DLGAP2: variants seen among roughly 807,000 people sequenced by gnomAD.
DLGAP2 encodes the protein disks large-associated protein 2.
In DLGAP2, 26 loss-of-function variants were observed where a neutral mutation model predicts 100.3. That is an observed-to-expected ratio of 0.26 (90% CI 0.19 to 0.36). The LOEUF is 0.36. Among genes scored for constraint, DLGAP2 ranks in the 10% least tolerant of loss-of-function variants. The pLI, the probability that DLGAP2 is intolerant of heterozygous loss-of-function variation, is 1.00. For missense variants in DLGAP2, 1,858 were observed against 1,453.2 expected, an observed-to-expected ratio of 1.28 and a Z score of -4.53; for synonymous variants, 886 against 630.1, an observed-to-expected ratio of 1.41 and a Z score of -6.08.
intron 5 of DLGAP2, 48 bp from the exon 6 acceptor site, chr8:1,565,635 G>T: frequency 6.6e-7 from 1 of 1,504,536 alleles, no homozygotes; most frequent in Non-Finnish European, 9.1e-7. Context: ...TGATGCTGCC[G>T]TTCTCAGTGA....
At chr8:1,662,681 C>A (rs1189361779) in intron 8 of DLGAP2, among the ~76,000 whole-genome samples, 4 of 152,370 alleles carry the variant, frequency 2.6e-5, no homozygotes, top group African/African-American at 9.6e-5. Flanking sequence ...TATGCAAATG[C>A]CAAGACCGCC....
At chr8:1,641,456 A>T (rs746143493) in intron 8 of DLGAP2, among the ~76,000 whole-genome samples, 1 of 152,182 alleles carries the variant, frequency 6.6e-6, no homozygotes, top group Non-Finnish European at 1.5e-5. Flanking sequence ...AGGTAATGAG[A>T]TTTCAAGATG....
At chr8:1,026,811 A>G (rs1801813467) in intron 2 of DLGAP2, among the ~76,000 whole-genome samples, 1 of 152,228 alleles carries the variant, frequency 6.6e-6, no homozygotes, top group Non-Finnish European at 1.5e-5. Context: ...ATTTATGAAA[A>G]TACCCATGAG....
chr8:1,390,776 G>A (rs947942828), intron 3 of DLGAP2, among the ~76,000 whole-genome samples: 2 of 152,134 alleles, frequency 1.3e-5, no homozygotes, highest in Admixed American at 1.3e-4. Context: ...TCAACCCTCT[G>A]TTACAAAACC....
chr8:1,122,022 C>A (rs1399278081), intron 2 of DLGAP2, among the ~76,000 whole-genome samples: 1 of 152,166 alleles, frequency 6.6e-6, no homozygotes, highest in Non-Finnish European at 1.5e-5. Context: ...GGAGACAGAC[C>A]TTCCTAGGGA....
At chr8:1,479,407 G>T (rs143252671) in intron 3 of DLGAP2, among the ~76,000 whole-genome samples, 2 of 152,318 alleles carry the variant, frequency 1.3e-5, no homozygotes, top group African/African-American at 4.8e-5. Context: ...ATTGTCCTGG[G>T]AAGCTGGCAG....
chr8:1,459,817 C>T (rs967057232), intron 3 of DLGAP2, among the ~76,000 whole-genome samples: 19 of 150,790 alleles, frequency 1.3e-4, no homozygotes, highest in South Asian at 2.1e-4. Flanking sequence ...TCCCGAGTAG[C>T]GGGAATTGCA....
chr8:1,307,385 A>G (rs1800514925), intron 3 of DLGAP2, among the ~76,000 whole-genome samples: 1 of 152,216 alleles, frequency 6.6e-6, no homozygotes. Context: ...GTTGGCAAGG[A>G]TGTGGAGAAG....
At chr8:743,635 C>G (rs888758940) in intron 1 of DLGAP2, among the ~76,000 whole-genome samples, 15 of 152,202 alleles carry the variant, frequency 9.9e-5, no homozygotes, top group African/African-American at 3.1e-4. Context: ...ATAATCTCAG[C>G]TCACTGCAGC....
intron 3 of DLGAP2, among the ~76,000 whole-genome samples, chr8:1,467,354 C>T (rs978140768): frequency 6.6e-6 from 1 of 151,960 alleles, no homozygotes; most frequent in African/African-American, 2.4e-5. Context: ...GACTGTACTT[C>T]CCATTCACGG....
intron 2 of DLGAP2, among the ~76,000 whole-genome samples, chr8:948,486 T>G (rs926273562): frequency 1.3e-5 from 2 of 152,204 alleles, no homozygotes; most frequent in Non-Finnish European, 2.9e-5. Context: ...ACCAGGCGCC[T>G]GCTGGGTGAT....
At chr8:1,670,878 C>G (rs1798673990) in intron 10 of DLGAP2, among the ~76,000 whole-genome samples, 2 of 152,192 alleles carry the variant, frequency 1.3e-5, no homozygotes, top group African/African-American at 4.8e-5. Flanking sequence ...AAGAAGGAAT[C>G]GAGCAGATGA....
intron 2 of DLGAP2, among the ~76,000 whole-genome samples, chr8:985,596 C>A (rs1276752603): frequency 6.6e-6 from 1 of 152,140 alleles, no homozygotes; most frequent in African/African-American, 2.4e-5. Flanking sequence ...CCAATCAAAT[C>A]ATGTAGGAGG....
At chr8:1,638,036 G>A (rs985550329) in intron 8 of DLGAP2, among the ~76,000 whole-genome samples, 31 of 152,162 alleles carry the variant, frequency 2.0e-4, no homozygotes, top group Non-Finnish European at 4.1e-4. Context: ...CAGGGCACCC[G>A]GCCTGGAGGG....
At chr8:818,754 G>A (rs1453670984) in intron 1 of DLGAP2, among the ~76,000 whole-genome samples, 1 of 152,170 alleles carries the variant, frequency 6.6e-6, no homozygotes, top group Non-Finnish European at 1.5e-5. Flanking sequence ...AAATTCAAGA[G>A]TATACAGTTA....
At chr8:1,186,438 G>C (rs1331909298) in intron 2 of DLGAP2, among the ~76,000 whole-genome samples, 1 of 152,210 alleles carries the variant, frequency 6.6e-6, no homozygotes, top group Non-Finnish European at 1.5e-5. Context: ...CCAGCCCGCT[G>C]TGCAGCGAGT....
intron 3 of DLGAP2, among the ~76,000 whole-genome samples, chr8:1,477,257 G>A (rs573634160): frequency 6.6e-6 from 1 of 152,290 alleles, no homozygotes; most frequent in Admixed American, 6.5e-5. Context: ...CTCAGATGAC[G>A]GCTGGAAGGT....
chr8:1,636,906 G>A (rs988057945), intron 8 of DLGAP2, among the ~76,000 whole-genome samples: 1 of 152,240 alleles, frequency 6.6e-6, no homozygotes, highest in Non-Finnish European at 1.5e-5. Flanking sequence ...ATAGAGTAAA[G>A]GTGATTTGAA....
At chr8:816,830 T>A (rs199537539) in intron 1 of DLGAP2, among the ~76,000 whole-genome samples, 1 of 152,226 alleles carries the variant, frequency 6.6e-6, no homozygotes, top group Non-Finnish European at 1.5e-5. Flanking sequence ...ATGGTTAGAT[T>A]TCTCTTCTTC....
Sources: allele counts gnomAD v4.1 joint callset (sites outside exome capture counted in the v4.1 genomes callset), GRCh38; gene constraint gnomAD v4.1.1; transcripts MANE v1.5; gene names NCBI Gene and HGNC (gene_info 2026-07-23, HGNC 2026-07-21).